PKD1: variants seen among roughly 807,000 people sequenced by gnomAD.
PKD1 encodes polycystin 1, transient receptor potential channel interacting, also known as polycystin-1.
PKD1 carries 81 observed loss-of-function variants against 361.7 expected under a neutral mutation model. The observed-to-expected ratio is 0.22, with a 90% CI of 0.19 to 0.27. The LOEUF (loss-of-function observed/expected upper bound fraction) is 0.27. Ranked by LOEUF, PKD1 falls within the 10% of genes least tolerant of loss-of-function variation. PKD1 has a pLI of 1.00. For synonymous variants in PKD1, 3,615 were observed against 2,818.3 expected (o/e 1.28, Z -8.95); for missense variants, 6,399 against 6,118.3 (o/e 1.05, Z -1.53).
At chr16:2,105,758 C>T in intron 20 of PKD1, 107 bp downstream of exon 20, 1 of 1,377,214 alleles carries the variant, frequency 7.3e-7, no homozygotes, top group Non-Finnish European at 1.0e-6. Context: ...TGGGATTTAT[C>T]TCTGGGGCCC....
At chr16:2,123,769 G>A (rs938264804) in intron 1 of PKD1, among the ~76,000 whole-genome samples, 5 of 152,170 alleles carry the variant, frequency 3.3e-5, no homozygotes, top group Admixed American at 3.3e-4. Context: ...GGCCCTTGCT[G>A]CCCCACGCAC....
At chr16:2,121,078 G>C (rs551024439) in intron 1 of PKD1, among the ~76,000 whole-genome samples, 11 of 151,836 alleles carry the variant, frequency 7.2e-5, no homozygotes, top group African/African-American at 2.4e-4. Context: ...AAGGAGAAGG[G>C]GAAAGAGCCG....
chr16:2,090,455 C>T lies in PKD1; in HGVS notation c.12274G>A (p.Ala4092Thr), dbSNP rs1449143750. The T allele has an allele frequency of 4.3e-6, 7 of 1,612,358 alleles. No homozygotes were observed. The South Asian group carries it at 4.4e-5, about 10-fold the overall frequency. Residue 4092 changes from alanine (A) to threonine (T), a missense_variant, in exon 45 of 46, where the codon GCA becomes ACA. Ala to Thr is a moderately conservative substitution (Grantham distance 58). Coordinates refer to ENST00000262304, the MANE Select transcript of PKD1 (RefSeq NM_001009944.3). The stretch of plus-strand genomic sequence containing the variant: ...CGTAGGGCGCCCCACAGCCGCAGTG[C>T]CCAGAGCCCCACACACAGCAGGGGT... ...LSPLLCVGLW[A>T]LRLWGALRLG...
At chr16:2,135,154 C>T in intron 1 of PKD1, 1 of 975,824 alleles carries the variant, frequency 1.0e-6, no homozygotes, top group Non-Finnish European at 1.2e-6. Context: ...ACCCCGCAGC[C>T]CCAGGCCGCA....
chr16:2,093,033 A>G lies in PKD1; in HGVS notation c.11077T>C (p.Ser3693Pro), dbSNP rs2091669562. 6.2e-7 allele frequency: 1 copy of G among 1,612,726 alleles called. No homozygotes were observed. Among genetic ancestry groups the G allele is most frequent in the Admixed American group, 1.7e-5 (1 of 60,010 alleles). The change falls in exon 38 of 46, where the codon TCA becomes CCA. Residue 3693 changes from serine (S) to proline (P), a missense_variant. Ser to Pro is a moderately conservative substitution (Grantham distance 74, BLOSUM62 -1). Coordinates refer to ENST00000262304, the MANE Select transcript of PKD1 (RefSeq NM_001009944.3). ...AGACGGTAGGCGTGCCCATGGCATG[A>G]GGCATCCCCATAGCTGGCCAGCAGG... ...VTLLASYGDA[S>P]CHGHAYRLQS...
Position 2,108,316 on chromosome 16 carries a change from G to C in PKD1, c.6851C>G (p.Pro2284Arg). ...LVLDGSESYD[P>R]NLEDGDQTPL... is the part of the protein sequence containing the mutation. ...CGTCTGGTCGCCGTCCTCCAGGTTGGGGTCGTAGGACTCGCTCCCATCCAG... is the reference window on the plus strand; with the variant it reads ...CGTCTGGTCGCCGTCCTCCAGGTTGCGGTCGTAGGACTCGCTCCCATCCAG... The change falls in exon 15 of 46, where the codon CCC becomes CGC. Residue 2284 changes from proline to arginine, a missense_variant. Coordinates refer to ENST00000262304, the MANE Select transcript of PKD1 (RefSeq NM_001009944.3). 6.2e-7 allele frequency: 1 copy of C among 1,603,480 alleles called. No individual in the cohort carries two copies.
At position 2,108,021 on chromosome 16, in the gene PKD1, G is replaced by A. The variant is rs189277711; in HGVS notation, c.6927C>T (p.Gly2309=). Residue 2309 remains glycine (G), a synonymous_variant, in exon 16 of 46, where the codon GGC becomes GGT. Coordinates refer to ENST00000262304, the MANE Select transcript of PKD1 (RefSeq NM_001009944.3). Reference sequence around the variant, plus strand: ...GGGGCCCAAAGTTCAGCGCACACCCGCCAGCCTCCCTCTGCAGGCCGAGAA... The same window carrying A: ...GGGGCCCAAAGTTCAGCGCACACCCACCAGCCTCCCTCTGCAGGCCGAGAA... ...ACVASTQREA[G]GCALNFGPRG... 27,824 of 1,553,324 alleles carry A rather than the reference G, an allele frequency of 0.018. 308 individuals are homozygous for A. Among genetic ancestry groups the A allele is most frequent in the Non-Finnish European group, 0.021 (23,621 of 1,150,326 alleles).
In PKD1 at chr16:2,110,429, A is replaced by G; in HGVS notation, c.4738T>C (p.Tyr1580His). The change falls in exon 15 of 46, where the codon TAT (tyrosine) becomes CAT (histidine). Residue 1580 changes from tyrosine (Y) to histidine (H), a missense_variant. Coordinates refer to ENST00000262304, the MANE Select transcript of PKD1 (RefSeq NM_001009944.3). Reference sequence around the variant, plus strand: ...CAGCGGTCACAGAGCACCCAGGAATAGCGCACATCACTGCCGGCCTCCAGC... The same window carrying G: ...CAGCGGTCACAGAGCACCCAGGAATGGCGCACATCACTGCCGGCCTCCAGC... ...TSLEAGSDVR[Y>H]SWVLCDRCTP... 5.0e-6 allele frequency: 8 copies of G among 1,612,614 alleles called. No homozygotes were observed. The highest frequency in any genetic ancestry group is 4.5e-5 in the East Asian group (2 of 44,886).
chr16:2,109,364 G>C lies in PKD1; in HGVS notation c.5803C>G (p.Arg1935Gly), dbSNP rs776113903. 15 of 1,591,766 alleles carry C rather than the reference G, an allele frequency of 9.4e-6. No homozygotes were observed. The East Asian group carries it at 2.2e-4, about 24-fold the overall frequency. ...ACGCGGGGGAAGCTGTGGGAGAAAC[G>C]GGGCCCGGGGAGCACCTCGGGGTTG... The part of the protein sequence containing the change: ...GANPEVLPGP[R>G]FSHSFPRVGD... The change falls in exon 15 of 46, where the codon CGT becomes GGT. Residue 1935 changes from arginine (R) to glycine (G), a missense_variant. Transcript: ENST00000262304.
chr16:2,105,624 G>A, intron 20 of PKD1, 150 bp from the exon 21 acceptor site: 4 of 1,553,926 alleles, frequency 2.6e-6, no homozygotes, highest in Non-Finnish European at 3.5e-6. Context: ...TTCTTCATGG[G>A]CAAAACAGGG....
chr16:2,113,964 G>A (rs2092584332), intron 11 of PKD1: 11 of 602,024 alleles, frequency 1.8e-5, no homozygotes, highest in East Asian at 8.3e-5. Flanking sequence ...ATGAGTTAGC[G>A]GAGCCACTGT....
In PKD1 at chr16:2,090,803, G is replaced by C; in HGVS notation, c.12009C>G (p.Ala4003=). 3.1e-6 allele frequency: 5 copies of C among 1,612,400 alleles called. No individual in the cohort carries two copies. The highest frequency in any genetic ancestry group is 4.2e-6 in the Non-Finnish European group (5 of 1,179,948). ...SLLFLLLVKA[A]QQLRFVRQWS... ...ACTGGCGCACGAAGCGTAGCTGCTGGGCAGCCTGCGGACGAGAAATCTGTC... is the reference window on the plus strand; with the variant it reads ...ACTGGCGCACGAAGCGTAGCTGCTGCGCAGCCTGCGGACGAGAAATCTGTC... The change falls in exon 44 of 46, where the codon GCC becomes GCG. Residue 4003 remains alanine, a synonymous_variant. Transcript: ENST00000262304.
Position 2,111,323 on chromosome 16 carries a change from G to A in PKD1, c.3844C>T (p.His1282Tyr). 2 of 1,608,474 alleles carry A rather than the reference G, an allele frequency of 1.2e-6. No homozygotes were observed. The highest frequency in any genetic ancestry group is 1.7e-6 in the Non-Finnish European group (2 of 1,178,870). ...AGCACGTGCAGGCTCCGGGCCAGGTGGCCGGCGGGGCTGGCCGCACCCACG... is the reference window on the plus strand; with the variant it reads ...AGCACGTGCAGGCTCCGGGCCAGGTAGCCGGCGGGGCTGGCCGCACCCACG... ...VTVGAASPAG[H>Y]LARSLHVLVF... Residue 1282 changes from histidine (H) to tyrosine (Y), a missense_variant, in exon 15 of 46, where the codon CAC becomes TAC. By Grantham distance (83) the His-to-Tyr change is moderately conservative. Coordinates refer to ENST00000262304, the MANE Select transcript of PKD1 (RefSeq NM_001009944.3).
intron 1 of PKD1, among the ~76,000 whole-genome samples, chr16:2,126,277 G>A (rs1291946381): frequency 6.6e-6 from 1 of 152,264 alleles, no homozygotes; most frequent in Non-Finnish European, 1.5e-5. Context: ...GCCTCAACCA[G>A]AAGGAAGAGC....
chr16:2,115,944 C>T (rs1216389335), intron 9 of PKD1, 48 bp downstream of exon 9: 5 of 1,538,272 alleles, frequency 3.3e-6, no homozygotes, highest in East Asian at 4.9e-5. Context: ...GAGGCCACCC[C>T]GAGTCCTGCG....
rs112926587 is a variant in PKD1 at position 2,099,079 on chromosome 16, G to A, written c.10050+565C>T. On this transcript the variant is annotated intron_variant, in intron 30 of 45. Transcript: ENST00000262304. ...ACTCCTGACCTCAAGTGATCTGCCC[G>A]CCTCGGCCTCCCAAAGTGCTGGGAT... 3.7e-4 allele frequency: 79 copies of A among 215,502 alleles called. 1 individual carries two copies. The highest frequency in any genetic ancestry group is 2.1e-3 in the Admixed American group (40 of 18,984). 13.3% of individuals were successfully genotyped at this position (215,502 alleles called of 1,614,324 possible). A position where few individuals can be genotyped will look rare whatever the true frequency, so the allele number is the denominator to read the frequency against.
At position 2,115,498 on chromosome 16, in the gene PKD1, G is replaced by T. The variant is rs2855346; in HGVS notation, c.1977C>A (p.Ser659=). The change falls in exon 10 of 46, where the codon TCC becomes TCA. Residue 659 remains serine, a synonymous_variant. Coordinates refer to ENST00000262304, the MANE Select transcript of PKD1 (RefSeq NM_001009944.3). Reference sequence around the variant, plus strand: ...CATTGGCGCAGGCCTGGGGGTGGCAGGAGGCGTCCAGCGGCAAGCAGATGT... The same window carrying T: ...CATTGGCGCAGGCCTGGGGGTGGCATGAGGCGTCCAGCGGCAAGCAGATGT... ...GANICLPLDA[S]CHPQACANGC... is the part of the protein sequence containing the mutation. 33 of 1,602,004 alleles carry T rather than the reference G, an allele frequency of 2.1e-5. No homozygotes were observed. Among genetic ancestry groups the T allele is most frequent in the Non-Finnish European group, 2.8e-5 (33 of 1,175,716 alleles).
chr16:2,093,310 T>G, intron 37 of PKD1: 1 of 682,004 alleles, frequency 1.5e-6, no homozygotes, highest in Non-Finnish European at 2.5e-6. Flanking sequence ...CAGTGGTGCT[T>G]AGGGGCCTTC....
Position 2,097,166 on chromosome 16 carries a change from G to C in PKD1, c.10481C>G (p.Thr3494Arg), listed in dbSNP as rs752503970. The change falls in exon 34 of 46, where the codon ACG becomes AGG. Residue 3494 changes from threonine (T) to arginine (R), a missense_variant. Thr to Arg is a moderately conservative substitution (Grantham distance 71). Transcript: ENST00000262304. ...CACTCACAGGCTGCTGAGCAGGTCCGTTTCCATGTGGGTGTCTTGGGTAGG... is the reference window on the plus strand; with the variant it reads ...CACTCACAGGCTGCTGAGCAGGTCCCTTTCCATGTGGGTGTCTTGGGTAGG... ...PAPTQDTHME[T>R]DLLSSLSSTP... 3 of 1,552,470 alleles carry C rather than the reference G, an allele frequency of 1.9e-6. No individual in the cohort carries two copies. Among genetic ancestry groups the C allele is most frequent in the South Asian group, 2.4e-5 (2 of 84,452 alleles).
Sources: gnomAD v4.1 joint callset for allele counts (sites outside exome capture counted in the v4.1 genomes callset) on GRCh38, gnomAD v4.1.1 for gene constraint, MANE v1.5 for transcripts, NCBI Gene and HGNC (gene_info 2026-07-23, HGNC 2026-07-21) for gene names.